Variants in LRP1B observed in about 807,000 individuals in gnomAD.
LRP1B encodes the protein LDL receptor related protein 1B.
LRP1B carries 217 observed loss-of-function variants against 556.6 expected under a neutral mutation model. That is an observed-to-expected ratio of 0.39 (90% CI 0.35 to 0.44). LRP1B has a LOEUF of 0.44. LRP1B is among the 20% of genes least tolerant of loss of function. The probability of loss-of-function intolerance (pLI) is 1.00; values close to 1 mark genes in which losing one functional copy is unlikely to be tolerated. For missense variants in LRP1B, 5,053 were observed against 5,620.8 expected (o/e 0.90, Z 3.23); for synonymous variants, 2,047 against 1,865.8 (o/e 1.10, Z -2.50).
intron 2 of LRP1B, among the ~76,000 whole-genome samples, chr2:141,525,087 A>C (rs1193673341): frequency 6.6e-6 from 1 of 152,044 alleles, no homozygotes; most frequent in Non-Finnish European, 1.5e-5. Flanking sequence ...TGCATGTTTA[A>C]GTGTTTCTTA....
intron 41 of LRP1B, among the ~76,000 whole-genome samples, chr2:140,635,339 T>C (rs1684034616): frequency 6.6e-6 from 1 of 152,042 alleles, no homozygotes; most frequent in African/African-American, 2.4e-5. Context: ...AAGGATAATA[T>C]GTGAATCCTG....
At chr2:141,843,858 C>A (rs1159796756) in intron 1 of LRP1B, among the ~76,000 whole-genome samples, 1 of 152,034 alleles carries the variant, frequency 6.6e-6, no homozygotes, top group Non-Finnish European at 1.5e-5. Context: ...AGTGGAGAGA[C>A]CACAGGCAAT....
chr2:140,340,368 A>G (rs1396877226), intron 77 of LRP1B, among the ~76,000 whole-genome samples: 1 of 151,564 alleles, frequency 6.6e-6, no homozygotes, highest in East Asian at 1.9e-4. Context: ...TTGAAATATT[A>G]TCCATTCTGG....
chr2:142,031,334 T>TTTTTA (rs1703693850), intron 1 of LRP1B, among the ~76,000 whole-genome samples: 1 of 121,594 alleles, frequency 8.2e-6, no homozygotes, highest in Non-Finnish European at 1.7e-5. Flanking sequence ...ATACTTATTT[T>TTTTTA]TTTTTTTTTT....
chr2:141,653,484 G>T (rs559273101), intron 2 of LRP1B, among the ~76,000 whole-genome samples: 1 of 152,290 alleles, frequency 6.6e-6, no homozygotes, highest in Admixed American at 6.5e-5. Context: ...CTGGCATCAA[G>T]GCCAATAGAA....
At chr2:140,675,943 ATACAAGT>A (rs1490909981) in intron 41 of LRP1B, among the ~76,000 whole-genome samples, 6 of 149,208 alleles carry the variant, frequency 4.0e-5, no homozygotes, top group African/African-American at 1.5e-4. Context: ...AGTGTCTCTG[ATACAAGT>A]TAGCATTATT....
chr2:140,813,536 T>C (rs184003091), intron 32 of LRP1B, 121 bp downstream of exon 32: 4 of 795,396 alleles, frequency 5.0e-6, no homozygotes, highest in East Asian at 2.6e-5. Context: ...CATAGAAGTG[T>C]TCAATTTGAA....
At chr2:140,671,879 A>G (rs768804492) in intron 41 of LRP1B, among the ~76,000 whole-genome samples, 4 of 152,162 alleles carry the variant, frequency 2.6e-5, no homozygotes, top group Admixed American at 6.5e-5. Context: ...CTGGTTCTCA[A>G]AGATTTATGT....
chr2:141,749,538 A>T (rs531056147), intron 2 of LRP1B, among the ~76,000 whole-genome samples: 1 of 152,238 alleles, frequency 6.6e-6, no homozygotes, highest in Admixed American at 6.5e-5. Flanking sequence ...CCTAAACTTG[A>T]ATGATACCAT....
chr2:140,502,638 G>T (rs1689248036), intron 54 of LRP1B, among the ~76,000 whole-genome samples: 1 of 151,840 alleles, frequency 6.6e-6, no homozygotes, highest in African/African-American at 2.4e-5. Flanking sequence ...TTTTGCATTT[G>T]AATTTTCAAA....
chr2:141,818,197 C>G (rs905014209), intron 1 of LRP1B, among the ~76,000 whole-genome samples: 3 of 152,128 alleles, frequency 2.0e-5, no homozygotes, highest in African/African-American at 7.2e-5. Context: ...AATTCATTAC[C>G]AGGAGAACAG....
intron 35 of LRP1B, among the ~76,000 whole-genome samples, chr2:140,719,867 T>A (rs1178743194): frequency 6.6e-6 from 1 of 152,030 alleles, no homozygotes; most frequent in African/African-American, 2.4e-5. Flanking sequence ...TCCTTATCAA[T>A]TTTTTCACAT....
intron 2 of LRP1B, among the ~76,000 whole-genome samples, chr2:141,740,184 G>T (rs1002123854): frequency 2.6e-5 from 4 of 151,956 alleles, no homozygotes; most frequent in African/African-American, 9.7e-5. Context: ...GACAAATTTT[G>T]TTATATTTTT....
In LRP1B at chr2:140,701,806, A is replaced by G. The variant is rs1291904356; in HGVS notation, c.6342T>C (p.Asn2114=). 6.2e-7 allele frequency: 1 copy of G among 1,613,208 alleles called. No individual in the cohort carries two copies. Residue 2114 remains asparagine (N), a synonymous_variant, in exon 40 of 91, where the codon AAT becomes AAC. Coordinates refer to ENST00000389484, the MANE Select transcript of LRP1B (RefSeq NM_018557.3). ...TCATGGTTATCGTTTCTGTGGCATC[A>G]TTCTTGTGGCCCCTTCTGACAGACC... ...ANGSVRRGHK[N]DATETITMRT... is the part of the protein sequence containing the mutation.
intron 1 of LRP1B, among the ~76,000 whole-genome samples, chr2:141,860,990 C>T (rs568870884): frequency 1.3e-5 from 2 of 152,234 alleles, no homozygotes; most frequent in East Asian, 1.9e-4. Flanking sequence ...AAAGCAAATT[C>T]GTATATTGCA....
intron 66 of LRP1B, among the ~76,000 whole-genome samples, chr2:140,428,952 C>A (rs1187671256): frequency 2.6e-5 from 4 of 152,114 alleles, no homozygotes; most frequent in Non-Finnish European, 5.9e-5. Flanking sequence ...TAGACTACAG[C>A]CACATCTCAT....
intron 46 of LRP1B, among the ~76,000 whole-genome samples, chr2:140,536,284 G>A (rs1690964055): frequency 7.5e-6 from 1 of 133,150 alleles, no homozygotes; most frequent in Admixed American, 8.4e-5. Flanking sequence ...AGACCAGTCT[G>A]GGCAACACAA....
chr2:140,454,361 G>A (rs965408732), intron 62 of LRP1B, among the ~76,000 whole-genome samples: 1 of 151,962 alleles, frequency 6.6e-6, no homozygotes. Flanking sequence ...ACGTTGGCCA[G>A]GCGGCTCTCC....
At chr2:141,727,330 C>T (rs1268815365) in intron 2 of LRP1B, among the ~76,000 whole-genome samples, 1 of 152,144 alleles carries the variant, frequency 6.6e-6, no homozygotes, top group African/African-American at 2.4e-5. Context: ...CAAGGTCACG[C>T]ATTAAGAGGC....
Sources: gnomAD v4.1 joint callset for allele counts (sites outside exome capture counted in the v4.1 genomes callset) on GRCh38, gnomAD v4.1.1 for gene constraint, MANE v1.5 for transcripts, NCBI Gene and HGNC (gene_info 2026-07-23, HGNC 2026-07-21) for gene names.